MSRA: variants seen among roughly 807,000 people sequenced by gnomAD.
MSRA encodes the protein methionine sulfoxide reductase A.
A neutral mutation model predicts 31.3 loss-of-function variants in MSRA; 54 were observed. The ratio of observed to expected loss-of-function variants is 1.73; its 90% CI spans 1.39 to 2.17. The LOEUF (loss-of-function observed/expected upper bound fraction) is 2.17, where lower values mean the gene tolerates loss of function less well. Ranked by LOEUF, MSRA falls within the 30% of genes most tolerant of loss-of-function variation. MSRA has a pLI of 0.00. For synonymous variants in MSRA, 169 were observed against 116.5 expected (o/e 1.45, Z -2.90); for missense variants, 507 against 300.9 (o/e 1.69, Z -5.07).
chr8:10,208,476 T>A (rs1809202858), intron 2 of MSRA, among the ~76,000 whole-genome samples: 1 of 152,206 alleles, frequency 6.6e-6, no homozygotes, highest in South Asian at 2.1e-4. Flanking sequence ...GAGGTCCTTT[T>A]TAATCTGTGT....
intron 1 of MSRA, among the ~76,000 whole-genome samples, chr8:10,079,867 A>G (rs1209705311): frequency 6.6e-6 from 1 of 152,144 alleles, no homozygotes; most frequent in Non-Finnish European, 1.5e-5. Flanking sequence ...GCTTTGAGCT[A>G]TTTACCTAAC....
chr8:10,319,920 C>A lies in MSRA; in HGVS notation c.474C>A (p.Arg158=). The A allele has an allele frequency of 6.3e-7, 1 of 1,599,530 alleles. No homozygotes were observed. Among genetic ancestry groups the A allele is most frequent in the South Asian group, 1.2e-5 (1 of 86,872 alleles). Reference sequence around the variant, plus strand: ...GGAACGACCATGGCACTCAGTACCGCTCGGCCATCTACCCGACCTCTGCCA... The same window carrying A: ...GGAACGACCATGGCACTCAGTACCGATCGGCCATCTACCCGACCTCTGCCA... ...RQGNDHGTQY[R]SAIYPTSAKQ... is the part of the protein sequence containing the mutation. The change falls in exon 5 of 6, where the codon CGC becomes CGA. Residue 158 remains arginine, a synonymous_variant. Coordinates refer to ENST00000317173, the MANE Select transcript of MSRA (RefSeq NM_012331.5).
intron 1 of MSRA, among the ~76,000 whole-genome samples, chr8:10,186,794 C>G (rs1807095515): frequency 6.6e-6 from 1 of 152,140 alleles, no homozygotes. Flanking sequence ...GTTAGTCCTG[C>G]CGTGCTGCTA....
intron 3 of MSRA, among the ~76,000 whole-genome samples, chr8:10,253,083 A>G (rs1298425927): frequency 1.3e-5 from 2 of 152,234 alleles, no homozygotes; most frequent in East Asian, 3.9e-4. Flanking sequence ...AGGATTTTCT[A>G]TAGCTTCAAA....
At chr8:10,252,403 C>T (rs770703842) in intron 3 of MSRA, among the ~76,000 whole-genome samples, 2 of 152,132 alleles carry the variant, frequency 1.3e-5, no homozygotes, top group Non-Finnish European at 2.9e-5. Context: ...TTTATGATTT[C>T]TGTTAGGCTG....
rs539081263 is a variant in MSRA at position 10,137,786 on chromosome 8, A to G, written c.143-70047A>G. ...TGCCCCTTCCAGGTAACCCCCTGAA[A>G]CTTGAAAACCATTATGTTAATACGT... On this transcript the variant is annotated intron_variant, in intron 1 of 5. Coordinates refer to ENST00000317173, the MANE Select transcript of MSRA (RefSeq NM_012331.5). Among the ~76,000 whole-genome samples the G allele has an allele frequency of 3.9e-5, 6 of 152,238 alleles. No homozygotes were observed. The East Asian group carries it at 9.6e-4, about 24-fold the overall frequency.
At chr8:10,258,630 A>G (rs1022352496) in intron 3 of MSRA, among the ~76,000 whole-genome samples, 8 of 152,218 alleles carry the variant, frequency 5.3e-5, no homozygotes, top group African/African-American at 1.9e-4. Context: ...CTTCCTGATT[A>G]TATGAGGAGT....
At chr8:10,178,465 C>G (rs1211885644) in intron 1 of MSRA, among the ~76,000 whole-genome samples, 2 of 152,030 alleles carry the variant, frequency 1.3e-5, no homozygotes, top group African/African-American at 4.8e-5. Flanking sequence ...AACACAATAA[C>G]ATTCCAAGCA....
At chr8:10,286,553 G>A (rs1048459179) in intron 3 of MSRA, among the ~76,000 whole-genome samples, 9 of 152,162 alleles carry the variant, frequency 5.9e-5, no homozygotes, top group African/African-American at 2.2e-4. Context: ...CCCAGTCTTG[G>A]GTATGTCTTT....
chr8:10,093,111 T>A (rs1798939799), intron 1 of MSRA, among the ~76,000 whole-genome samples: 2 of 152,162 alleles, frequency 1.3e-5, no homozygotes, highest in Admixed American at 6.5e-5. Flanking sequence ...AGCATATAGT[T>A]GAATTTTGTT....
intron 3 of MSRA, among the ~76,000 whole-genome samples, chr8:10,261,706 A>T (rs1798494364): frequency 6.6e-6 from 1 of 152,156 alleles, no homozygotes; most frequent in Admixed American, 6.5e-5. Context: ...GCCAATACTG[A>T]TATGTTATTA....
At chr8:10,095,456 G>A (rs562679504) in intron 1 of MSRA, 57 of 985,018 alleles carry the variant, frequency 5.8e-5, no homozygotes, top group South Asian at 9.4e-5. Flanking sequence ...TAATTGATCC[G>A]CAAAGGACAT....
At chr8:10,319,094 A>T (rs1177821129) in intron 4 of MSRA, among the ~76,000 whole-genome samples, 1 of 152,056 alleles carries the variant, frequency 6.6e-6, no homozygotes, top group Non-Finnish European at 1.5e-5. Context: ...TTTAACCTGC[A>T]CAGATTTTCC....
intron 1 of MSRA, among the ~76,000 whole-genome samples, chr8:10,082,210 A>G (rs1487592038): frequency 2.0e-5 from 3 of 152,152 alleles, no homozygotes; most frequent in Non-Finnish European, 2.9e-5. Flanking sequence ...GCTGCTAAAA[A>G]ATGAAAAAGC....
intron 1 of MSRA, among the ~76,000 whole-genome samples, chr8:10,133,060 C>T (rs1218177933): frequency 6.6e-6 from 1 of 152,154 alleles, no homozygotes; most frequent in Admixed American, 6.5e-5. Context: ...CTACAGCCAT[C>T]CAACTCTTAG....
intron 1 of MSRA, among the ~76,000 whole-genome samples, chr8:10,079,639 G>A (rs541080730): frequency 1.7e-4 from 26 of 152,122 alleles, no homozygotes; most frequent in African/African-American, 5.8e-4. Flanking sequence ...GTCCCTCCCC[G>A]CACAACATAA....
intron 1 of MSRA, among the ~76,000 whole-genome samples, chr8:10,073,499 A>G (rs1797842855): frequency 6.6e-6 from 1 of 152,206 alleles, no homozygotes; most frequent in Non-Finnish European, 1.5e-5. Flanking sequence ...TTTTACAGAA[A>G]AGGTTTGCTG....
chr8:10,091,439 C>T (rs1402350224), intron 1 of MSRA, among the ~76,000 whole-genome samples: 1 of 152,010 alleles, frequency 6.6e-6, no homozygotes, highest in Non-Finnish European at 1.5e-5. Context: ...TTCCGTTTAC[C>T]ATATATATTT....
intron 1 of MSRA, among the ~76,000 whole-genome samples, chr8:10,176,686 C>T (rs1806081148): frequency 1.3e-5 from 2 of 152,186 alleles, no homozygotes; most frequent in Non-Finnish European, 2.9e-5. Flanking sequence ...GTGCAAAGGC[C>T]ATCCTCTTTA....
Sources: allele counts gnomAD v4.1 joint callset (sites outside exome capture counted in the v4.1 genomes callset), GRCh38; gene constraint gnomAD v4.1.1; transcripts MANE v1.5; gene names NCBI Gene and HGNC (gene_info 2026-07-23, HGNC 2026-07-21).